The following ARMC2 variants were observed in gnomAD, a reference collection of about 807,000 sequenced individuals.
ARMC2 encodes armadillo repeat-containing protein 2.
In ARMC2, 67 loss-of-function variants were observed where a neutral mutation model predicts 90.3. That is an observed-to-expected ratio of 0.74 (90% CI 0.61 to 0.91). The LOEUF is 0.91. Among genes scored for constraint, ARMC2 ranks in the 40% least tolerant of loss-of-function variants. ARMC2 has a pLI of 0.00. For synonymous variants in ARMC2, 393 were observed against 393.0 expected, an observed-to-expected ratio of 1.00 and a Z score of 0.00; for missense variants, 920 against 1,030.9, an observed-to-expected ratio of 0.89 and a Z score of 1.47.
At position 108,863,789 on chromosome 6, in the gene ARMC2, C is replaced by T. The variant is rs570207268; in HGVS notation, c.292-5035C>T. On this transcript the variant is annotated intron_variant, in intron 3 of 17. Transcript: ENST00000392644. ...TTGATACATTTACACAAACTAAACA[C>T]ACTCAGTAACCAGCATTCAAAAGGA... 2.0e-5 allele frequency among the ~76,000 whole-genome samples: 3 copies of T among 152,266 alleles called. No homozygotes were observed. The South Asian group carries it at 6.2e-4, about 32-fold the overall frequency.
intron 12 of ARMC2, among the ~76,000 whole-genome samples, chr6:108,939,066 A>G: frequency 6.6e-6 from 1 of 151,908 alleles, no homozygotes; most frequent in East Asian, 1.9e-4. Flanking sequence ...CAATCCTACC[A>G]CTTCAGCCTC....
At chr6:108,987,704 A>C in the ARMC2 span, 2 of 789,146 alleles carry the variant, frequency 2.5e-6, no homozygotes. Context: ...GAATCTAATG[A>C]ACACATAAAA....
intron 5 of ARMC2, among the ~76,000 whole-genome samples, chr6:108,891,368 A>G (rs1363542680): frequency 6.6e-6 from 1 of 152,222 alleles, no homozygotes; most frequent in Admixed American, 6.5e-5. Flanking sequence ...ACTCCCACCA[A>G]CAGTGTAAAA....
At chr6:108,980,850 A>G in the ARMC2 span, among the ~76,000 whole-genome samples, 1 of 152,262 alleles carries the variant, frequency 6.6e-6, no homozygotes, top group Admixed American at 6.5e-5. Context: ...AGATTGTGCC[A>G]CTGCACTATA....
chr6:108,894,441 CTGAG>C (rs1048006684), intron 5 of ARMC2, 22 bp from the exon 6 acceptor site: 2 of 1,584,876 alleles, frequency 1.3e-6, no homozygotes, highest in African/African-American at 2.7e-5. Context: ...CATGTTTGCG[CTGAG>C]TGTTTTATGT....
At chr6:108,962,402 T>G (rs1336906494) in intron 15 of ARMC2, among the ~76,000 whole-genome samples, 1 of 152,188 alleles carries the variant, frequency 6.6e-6, no homozygotes, top group Non-Finnish European at 1.5e-5. Context: ...GGGCATATTC[T>G]TAAGAAGACA....
chr6:109,019,711 G>A, the ARMC2 span, among the ~76,000 whole-genome samples: 1 of 151,966 alleles, frequency 6.6e-6, no homozygotes, highest in African/African-American at 2.4e-5. Context: ...TAAGTAGTTT[G>A]GATTTGTTCT....
intron 5 of ARMC2, among the ~76,000 whole-genome samples, chr6:108,889,552 T>G (rs1311390569): frequency 6.6e-6 from 1 of 151,958 alleles, no homozygotes; most frequent in Non-Finnish European, 1.5e-5. Context: ...GCGATCCTCC[T>G]GCCTCAGCCT....
chr6:108,966,615 G>GA (rs989011502), intron 17 of ARMC2, among the ~76,000 whole-genome samples: 2 of 151,736 alleles, frequency 1.3e-5, no homozygotes, highest in African/African-American at 4.8e-5. Context: ...ACACAATAAG[G>GA]AAAAAAAAGT....
intron 13 of ARMC2, among the ~76,000 whole-genome samples, chr6:108,959,173 C>G (rs977621592): frequency 6.6e-6 from 1 of 152,174 alleles, no homozygotes; most frequent in Non-Finnish European, 1.5e-5. Context: ...GCTTGCTGCT[C>G]TAGCGGGAGG....
the ARMC2 span, chr6:108,990,972 C>T: frequency 1.5e-6 from 1 of 649,962 alleles, no homozygotes; most frequent in Non-Finnish European, 2.6e-6. Context: ...CCCAGCTTCA[C>T]TTACACTCCA....
At chr6:108,918,175 G>A (rs1393083868) in intron 10 of ARMC2, among the ~76,000 whole-genome samples, 1 of 152,162 alleles carries the variant, frequency 6.6e-6, no homozygotes, top group South Asian at 2.1e-4. Context: ...CAGAGGGACT[G>A]ATGACAGATT....
rs374336948 is a variant in ARMC2 at position 108,854,285 on chromosome 6, T to C, written c.18T>C (p.Asp6=). The change falls in exon 2 of 18, where the codon GAT becomes GAC. Residue 6 remains aspartate, a synonymous_variant. Coordinates refer to ENST00000392644, the MANE Select transcript of ARMC2 (RefSeq NM_032131.6). MLSPN[D]KMLGKLDPFY... ...AAGGAAAGATGCTGTCTCCAAATGA[T>C]AAAATGTTAGGAAAACTGGATCCAT... 1.6e-5 allele frequency: 25 copies of C among 1,608,498 alleles called. No homozygotes were observed. The highest frequency in any genetic ancestry group is 2.0e-5 in the Non-Finnish European group (23 of 1,177,402).
intron 7 of ARMC2, among the ~76,000 whole-genome samples, chr6:108,900,175 T>C (rs114126642): frequency 1.3e-3 from 203 of 152,354 alleles, no homozygotes; most frequent in African/African-American, 4.8e-3. Context: ...TCTCATAAAC[T>C]GGCGTCCTTG....
chr6:109,003,699 G>A, the ARMC2 span, among the ~76,000 whole-genome samples: 12 of 152,112 alleles, frequency 7.9e-5, no homozygotes, highest in East Asian at 1.9e-4. Context: ...GTCTGGCCAC[G>A]TGTGTGTCTC....
chr6:109,005,367 A>C, the ARMC2 span, among the ~76,000 whole-genome samples: 2 of 152,184 alleles, frequency 1.3e-5, no homozygotes, highest in African/African-American at 4.8e-5. Context: ...GGCAGGAAAA[A>C]AAACCTCACT....
chr6:109,028,273 G>T, the ARMC2 span, among the ~76,000 whole-genome samples: 1 of 152,134 alleles, frequency 6.6e-6, no homozygotes, highest in East Asian at 1.9e-4. Flanking sequence ...TATGGGTGAA[G>T]GGCATTCACT....
chr6:108,959,666 TTTTATTTA>T (rs999122326), intron 13 of ARMC2: 3 of 151,886 alleles, frequency 2.0e-5, no homozygotes, highest in East Asian at 1.9e-4. Context: ...CCCAGCTCTT[TTTTATTTA>T]TTTATTTATT....
the ARMC2 span, among the ~76,000 whole-genome samples, chr6:109,004,584 C>G: frequency 2.6e-3 from 394 of 152,004 alleles, 5 homozygotes; most frequent in African/African-American, 9.0e-3. Flanking sequence ...GCGTGTGCCG[C>G]CACACCTGGC....
Sources: allele counts gnomAD v4.1 joint callset (sites outside exome capture counted in the v4.1 genomes callset), GRCh38; gene constraint gnomAD v4.1.1; transcripts MANE v1.5; gene names NCBI Gene and HGNC (gene_info 2026-07-23, HGNC 2026-07-21).